ANK3: variants seen among roughly 807,000 people sequenced by gnomAD.
ANK3 encodes the protein ankyrin-3.
ANK3 carries 57 observed loss-of-function variants against 370.9 expected under a neutral mutation model. The observed-to-expected ratio is 0.15, with a 90% CI of 0.12 to 0.19. The LOEUF is 0.19. Ranked by LOEUF, ANK3 falls within the 10% of genes least tolerant of loss-of-function variation. ANK3 has a pLI of 1.00. For synonymous variants in ANK3, 1,929 were observed against 1,946.3 expected (o/e 0.99, Z 0.23); for missense variants, 4,439 against 5,302.1 (o/e 0.84, Z 5.06).
At position 60,389,408 on chromosome 10, in the gene ANK3, C is replaced by G; in HGVS notation, c.114+17G>C. The stretch of plus-strand genomic sequence containing the variant: ...AAAGAATCCAGGCAAGATATATGCT[C>G]TGGCATACATAGATACCTTTTTCTT... On this transcript the variant is annotated intron_variant, in intron 1 of 43. Transcript: ENST00000280772. The G allele has an allele frequency of 2.4e-5, 38 of 1,608,568 alleles. No individual in the cohort carries two copies. The highest frequency in any genetic ancestry group is 3.1e-5 in the Non-Finnish European group (36 of 1,176,394).
intron 28 of ANK3, among the ~76,000 whole-genome samples, chr10:60,099,217 A>G (rs1298246900): frequency 1.3e-5 from 2 of 151,882 alleles, no homozygotes; most frequent in African/African-American, 4.9e-5. Context: ...TCTCTTGGGT[A>G]TGGGTCACTG....
intron 1 of ANK3, among the ~76,000 whole-genome samples, chr10:60,632,962 C>G (rs2078505284): frequency 6.6e-6 from 1 of 151,864 alleles, no homozygotes; most frequent in African/African-American, 2.4e-5. Context: ...AAAATTAAAG[C>G]TGTAGGAATT....
intron 1 of ANK3, among the ~76,000 whole-genome samples, chr10:60,342,322 C>T (rs1342563241): frequency 6.6e-6 from 1 of 152,096 alleles, no homozygotes; most frequent in Non-Finnish European, 1.5e-5. Context: ...AAACGCACTT[C>T]AGGGGTTTTC....
chr10:60,349,254 A>T (rs1475404754), intron 1 of ANK3, among the ~76,000 whole-genome samples: 1 of 152,206 alleles, frequency 6.6e-6, no homozygotes, highest in African/African-American at 2.4e-5. Context: ...AACCAGAGAA[A>T]TCAGAAAAAG....
At chr10:60,187,742 C>T (rs939201350) in intron 16 of ANK3, among the ~76,000 whole-genome samples, 1 of 152,114 alleles carries the variant, frequency 6.6e-6, no homozygotes, top group Non-Finnish European at 1.5e-5. Context: ...CCTCATTTGG[C>T]CTTTTGATTT....
intron 2 of ANK3, among the ~76,000 whole-genome samples, chr10:60,570,086 G>T (rs1278409837): frequency 3.3e-5 from 5 of 152,084 alleles, no homozygotes; most frequent in Non-Finnish European, 7.4e-5. Context: ...GGGAGAAAAG[G>T]CCTACTCCTT....
intron 17 of ANK3, among the ~76,000 whole-genome samples, chr10:60,185,597 C>G (rs1302670976): frequency 6.6e-6 from 1 of 152,170 alleles, no homozygotes; most frequent in African/African-American, 2.4e-5. Context: ...TATTTTGCAA[C>G]CCTACTCCAA....
intron 2 of ANK3, among the ~76,000 whole-genome samples, chr10:60,502,424 G>A (rs764375815): frequency 6.6e-6 from 1 of 152,194 alleles, no homozygotes; most frequent in Non-Finnish European, 1.5e-5. Flanking sequence ...TAACAGTGTG[G>A]CCCTGGTCCT....
At chr10:60,416,508 C>T (rs188006951) in intron 2 of ANK3, among the ~76,000 whole-genome samples, 43 of 152,198 alleles carry the variant, frequency 2.8e-4, no homozygotes, top group Non-Finnish European at 4.9e-4. Context: ...ATATGAAGTT[C>T]TAAAGTGACA....
At chr10:60,293,843 C>T (rs1029954668) in intron 1 of ANK3, among the ~76,000 whole-genome samples, 1 of 152,182 alleles carries the variant, frequency 6.6e-6, no homozygotes, top group Admixed American at 6.5e-5. Flanking sequence ...CCTCATAATA[C>T]TGAGATATTG....
chr10:60,069,038 G>A lies in ANK3; in HGVS notation c.11843C>T (p.Ser3948Phe). The A allele has an allele frequency of 6.2e-7, 1 of 1,614,126 alleles. No individual in the cohort carries two copies. Among genetic ancestry groups the A allele is most frequent in the Non-Finnish European group, 8.5e-7 (1 of 1,179,990 alleles). Reference sequence around the variant, plus strand: ...GGATCTTACCTTTACTGGCAACTTGGATGGAAGCTGTTTGGCCTTGCCTTT... The same window carrying A: ...GGATCTTACCTTTACTGGCAACTTGAATGGAAGCTGTTTGGCCTTGCCTTT... ...PEKGKAKQLP[S>F]KLPVKVRSTC... is the part of the protein sequence containing the mutation. Residue 3948 changes from serine to phenylalanine, a missense_variant, in exon 37 of 44, where the codon TCC becomes TTC. By Grantham distance (155) the Ser-to-Phe change is radical. Around this residue, in one of 13 missense-constraint regions of ANK3, gnomAD observed 496 missense variants for 529.3 expected, o/e 0.94. Transcript: ENST00000280772.
intron 13 of ANK3, among the ~76,000 whole-genome samples, chr10:60,199,222 GT>G (rs2096635048): frequency 6.6e-6 from 1 of 152,198 alleles, no homozygotes; most frequent in Non-Finnish European, 1.5e-5. Context: ...AAAGATCCCT[GT>G]GGTAGTCCTC....
At chr10:60,281,159 A>G (rs1282111842) in intron 1 of ANK3, among the ~76,000 whole-genome samples, 2 of 152,172 alleles carry the variant, frequency 1.3e-5, no homozygotes, top group African/African-American at 2.4e-5. Context: ...CTCAGAGGAG[A>G]GGCCACTGCC....
intron 2 of ANK3, among the ~76,000 whole-genome samples, chr10:60,533,155 C>T (rs183831775): frequency 7.7e-4 from 117 of 152,192 alleles, no homozygotes; most frequent in African/African-American, 2.7e-3. Flanking sequence ...AATTTGGACA[C>T]GACTGGACCA....
chr10:60,711,121 T>C (rs1589062189), intron 1 of ANK3, among the ~76,000 whole-genome samples: 1 of 152,278 alleles, frequency 6.6e-6, no homozygotes, highest in Non-Finnish European at 1.5e-5. Flanking sequence ...AACCATTACA[T>C]GTTCTAATGG....
At chr10:60,676,842 A>T (rs911042707) in intron 1 of ANK3, among the ~76,000 whole-genome samples, 48 of 152,322 alleles carry the variant, frequency 3.2e-4, no homozygotes, top group African/African-American at 1.1e-3. Flanking sequence ...TAGAGTGACT[A>T]CAGTTAACAA....
At chr10:60,149,869 T>C (rs1256703063) in intron 23 of ANK3, among the ~76,000 whole-genome samples, 1 of 152,122 alleles carries the variant, frequency 6.6e-6, no homozygotes, top group East Asian at 1.9e-4. Context: ...CCACCACGCC[T>C]GGCTACTTTT....
At chr10:60,289,781 G>A (rs182019042) in intron 1 of ANK3, among the ~76,000 whole-genome samples, 1 of 152,242 alleles carries the variant, frequency 6.6e-6, no homozygotes, top group Non-Finnish European at 1.5e-5. Flanking sequence ...AAAGTAACAT[G>A]AGTTTGAAAA....
intron 1 of ANK3, among the ~76,000 whole-genome samples, chr10:60,707,266 CA>C (rs1216172070): frequency 6.6e-6 from 1 of 152,110 alleles, no homozygotes; most frequent in Non-Finnish European, 1.5e-5. Context: ...TCTGAATCCT[CA>C]AAAGCCAATC....
Sources: gnomAD v4.1 joint callset for allele counts (sites outside exome capture counted in the v4.1 genomes callset) on GRCh38, gnomAD v4.1.1 for gene constraint, gnomAD v4.1.1 regional missense constraint, MANE v1.5 for transcripts, NCBI Gene and HGNC (gene_info 2026-07-23, HGNC 2026-07-21) for gene names.